The following PCSK7 variants were observed in gnomAD, a reference collection of about 807,000 sequenced individuals.
PCSK7 encodes the protein proprotein convertase subtilisin/kexin type 7, also known as lymphoma proprotein convertase.
A neutral mutation model predicts 73.3 loss-of-function variants in PCSK7; 38 were observed. The observed-to-expected ratio is 0.52, with a 90% confidence interval of 0.40 to 0.68. PCSK7 has a LOEUF of 0.68. Among genes scored for constraint, PCSK7 ranks in the 30% least tolerant of loss-of-function variants. The pLI, the probability that PCSK7 is intolerant of heterozygous loss-of-function variation, is 0.00. For synonymous variants in PCSK7, 296 were observed against 383.8 expected, an observed-to-expected ratio of 0.77 and a Z score of 2.68; for missense variants, 692 against 991.5, an observed-to-expected ratio of 0.70 and a Z score of 4.06.
intron 11 of PCSK7, 38 bp downstream of exon 11, chr11:117,219,019 T>C: frequency 1.4e-6 from 2 of 1,450,242 alleles, no homozygotes; most frequent in South Asian, 2.3e-5. Context: ...CCTTGGTCAC[T>C]CCACACAGGG....
intron 12 of PCSK7, chr11:117,211,878 G>GT (rs767074547): frequency 2.6e-5 from 4 of 152,242 alleles, no homozygotes; most frequent in Non-Finnish European, 2.9e-5. Flanking sequence ...AATGGGGCCA[G>GT]TAACAGTACC....
intron 12 of PCSK7, chr11:117,215,114 T>G (rs931164411): frequency 6.6e-6 from 1 of 152,126 alleles, no homozygotes; most frequent in African/African-American, 2.4e-5. Flanking sequence ...CACTTCTCAA[T>G]ATGGTAGCCC....
In PCSK7 at chr11:117,218,166, C is replaced by T. The variant is rs78068721; in HGVS notation, c.1534+300G>A. ...CAGGAGCTTCTCTGAGCTCTCACCC[C>T]GGTCTCGCCTGACCTCCCCAAGCCC... On this transcript the variant is annotated intron_variant, in intron 12 of 16. Coordinates refer to ENST00000320934, the MANE Select transcript of PCSK7 (RefSeq NM_004716.4). The surrounding 1 kb of genome is among the most constrained non-coding windows in gnomAD (Gnocchi z 4.0). The T allele has an allele frequency of 9.3e-4, 193 of 206,704 alleles. 4 individuals are homozygous for T. The East Asian group carries it at 0.021, about 22-fold the overall frequency. The allele number at this position is 206,704 out of a possible 1,614,324, so 12.8% of individuals were successfully genotyped here.
chr11:117,206,159 G>A lies in PCSK7; in HGVS notation c.2196C>T (p.Asp732=), dbSNP rs139944026. Residue 732 remains aspartate (D), a synonymous_variant, in exon 17 of 17, where the codon GAC becomes GAT. Coordinates refer to ENST00000320934, the MANE Select transcript of PCSK7 (RefSeq NM_004716.4). ...GGCCCCTGCTCTCTGTTTCCACTTC[G>A]TCTGGATCCTTGCTGCTGCAAAGTG... is the stretch of plus-strand genomic sequence containing the variant. ...SVPLCSSKDP[D]EVETESRGPP... is the part of the protein sequence containing the mutation. 0.053 allele frequency: 84,606 copies of A among 1,597,836 alleles called. 1 individual carries two copies. Among genetic ancestry groups the A allele is most frequent in the East Asian group, 0.092 (4,108 of 44,572 alleles).
At chr11:117,215,380 G>GTGTGTGTGTATATATATATATATATA (rs1164738557) in intron 12 of PCSK7, 2 of 55,900 alleles carry the variant, frequency 3.6e-5, no homozygotes, top group African/African-American at 2.4e-4. Flanking sequence ...GTGTGTGTGT[G>GTGTGTGTGTATATATATATATATATA]TATATATATA....
intron 4 of PCSK7, among the ~76,000 whole-genome samples, chr11:117,227,585 G>C (rs1275551757): frequency 6.6e-6 from 1 of 152,166 alleles, no homozygotes; most frequent in Non-Finnish European, 1.5e-5. Context: ...TGGGACTATA[G>C]GTGAGCGCCA....
In PCSK7 at chr11:117,206,310, T is replaced by C. The variant is rs996630667; in HGVS notation, c.2045A>G (p.Tyr682Cys). ...GCFTVFWTVYYMLEVYLSQRN... is the reference protein window; with the variant it reads ...GCFTVFWTVYCMLEVYLSQRN... ...CTGGCTCAAATATACTTCCAGCATG[T>C]AGTAAACAGTCCAGAAGACGGTGAA... is the stretch of plus-strand genomic sequence containing the variant. Residue 682 changes from tyrosine to cysteine, a missense_variant, in exon 17 of 17, where the codon TAC (tyrosine) becomes TGC (cysteine). Physicochemically the swap from Tyr to Cys is radical, Grantham distance 194. Coordinates refer to ENST00000320934, the MANE Select transcript of PCSK7 (RefSeq NM_004716.4). 27 of 1,613,968 alleles carry C rather than the reference T, an allele frequency of 1.7e-5. No homozygotes were observed. Among genetic ancestry groups the C allele is most frequent in the Non-Finnish European group, 2.2e-5 (26 of 1,179,966 alleles).
At chr11:117,219,021 C>T (rs896021666) in intron 11 of PCSK7, 36 bp downstream of exon 11, 1 of 1,459,760 alleles carries the variant, frequency 6.9e-7, no homozygotes, top group African/African-American at 1.4e-5. Flanking sequence ...TTGGTCACTC[C>T]ACACAGGGCA....
chr11:117,215,899 G>A (rs2031966187), intron 12 of PCSK7: 1 of 152,074 alleles, frequency 6.6e-6, no homozygotes, highest in Admixed American at 6.5e-5. Flanking sequence ...TGTCACCCAG[G>A]ATGGAGAGTG....
chr11:117,229,423 C>A lies in PCSK7; in HGVS notation c.422G>T (p.Arg141Leu), dbSNP rs761512152. ...CTTGGGGTCGTTGAAGTGGACGCTG[C>A]GCTTGGCCCGCCTTAGCAGCCTCTG... ...SEQRLLRRAK[R>L]SVHFNDPKYP... is the part of the protein sequence containing the mutation. The change falls in exon 3 of 17, where the codon CGC becomes CTC. Residue 141 changes from arginine to leucine, a missense_variant. By Grantham distance (102) the Arg-to-Leu change is moderately radical. This residue lies in a region of PCSK7 where 574 missense variants were observed against 689.8 expected (regional missense o/e 0.83). Transcript: ENST00000320934. 3 of 1,609,278 alleles carry A rather than the reference C, an allele frequency of 1.9e-6. No individual in the cohort carries two copies. The highest frequency in any genetic ancestry group is 4.5e-5 in the East Asian group (2 of 44,892).
chr11:117,214,461 G>A (rs1357668469), intron 12 of PCSK7: 4 of 152,320 alleles, frequency 2.6e-5, no homozygotes, highest in African/African-American at 9.7e-5. Context: ...CAGTTCAGGA[G>A]TATGAAACAA....
intron 4 of PCSK7, 45 bp downstream of exon 4, chr11:117,228,171 A>C: frequency 3.1e-6 from 5 of 1,591,690 alleles, no homozygotes; most frequent in African/African-American, 1.3e-5. Context: ...ATCAAGAAGG[A>C]GGTAAGACGT....
In PCSK7 at chr11:117,229,388, G is replaced by C; in HGVS notation, c.457C>G (p.Gln153Glu). ...VHFNDPKYPQ[Q>E]WHLNNRRSPG... The stretch of plus-strand genomic sequence containing the variant: ...AGGACTGGACTCACCAGGTGCCATT[G>C]CTGCGGGTACTTGGGGTCGTTGAAG... The change falls in exon 3 of 17, where the codon CAA becomes GAA. Residue 153 changes from glutamine to glutamate, a missense_variant. Around this residue, in one of 6 missense-constraint regions of PCSK7, gnomAD observed 574 missense variants for 689.8 expected, o/e 0.83. Coordinates refer to ENST00000320934, the MANE Select transcript of PCSK7 (RefSeq NM_004716.4). 6.2e-7 allele frequency: 1 copy of C among 1,605,256 alleles called. No individual in the cohort carries two copies. The highest frequency in any genetic ancestry group is 1.3e-5 in the African/African-American group (1 of 75,060).
chr11:117,224,160 C>T lies in PCSK7; in HGVS notation c.972G>A (p.Val324=). 3 of 1,614,128 alleles carry T rather than the reference C, an allele frequency of 1.9e-6. No individual in the cohort carries two copies. Among genetic ancestry groups the T allele is most frequent in the Non-Finnish European group, 2.5e-6 (3 of 1,180,022 alleles). ...AGRQGFGSIF[V]VASGNGGQHN... is the part of the protein sequence containing the mutation. ...GTTGGCCTCCGTTGCCACTGGCTAC[C>T]ACAAAGATGCTCCCAAAGCCCTGGC... The change falls in exon 8 of 17, where the codon GTG becomes GTA. Residue 324 remains valine (V), a synonymous_variant. Transcript: ENST00000320934.
At chr11:117,213,059 G>T (rs1417556660) in intron 12 of PCSK7, 1 of 152,228 alleles carries the variant, frequency 6.6e-6, no homozygotes, top group African/African-American at 2.4e-5. Flanking sequence ...TTAGTGGCAG[G>T]AGACATCTCT....
rs1169293621 is a variant in PCSK7 at position 117,205,587 on chromosome 11, T to A, written c.*410A>T. ...GCTCCTCCCAGCCTCTACCCCGAAG[T>A]CCTCTTCCCAAGTGACCCCAGTGAT... is the stretch of plus-strand genomic sequence containing the variant. On this transcript the variant is annotated 3_prime_UTR_variant, in exon 17 of 17. Coordinates refer to ENST00000320934, the MANE Select transcript of PCSK7 (RefSeq NM_004716.4). 1 of 240,722 alleles carries A rather than the reference T, an allele frequency of 4.2e-6. No individual in the cohort carries two copies. The highest frequency in any genetic ancestry group is 2.2e-5 in the African/African-American group (1 of 45,654). 14.9% of individuals were successfully genotyped at this position (240,722 alleles called of 1,614,324 possible).
chr11:117,231,328 C>A (rs2032654272), intron 1 of PCSK7: 1 of 152,152 alleles, frequency 6.6e-6, no homozygotes, highest in Non-Finnish European at 1.5e-5. Context: ...ACATTTCTTC[C>A]TCTCGTTTTC....
rs766132292 is a variant in PCSK7, at chr11:117,229,702, C to T, written c.143G>A (p.Gly48Asp). The stretch of plus-strand genomic sequence containing the variant: ...CACAGCCCAGCTCGGCCCCCCTGTG[C>T]CCTGGCCATCAGGCCCACCTGTCCC... ...LAGTGGPDGQ[G>D]TGGPSWAVHL... Residue 48 changes from glycine to aspartate, a missense_variant, in exon 3 of 17, where the codon GGC becomes GAC. Around this residue, in one of 6 missense-constraint regions of PCSK7, gnomAD observed 574 missense variants for 689.8 expected, o/e 0.83. Transcript: ENST00000320934. The T allele has an allele frequency of 1.2e-6, 2 of 1,613,854 alleles. No individual in the cohort carries two copies. Among genetic ancestry groups the T allele is most frequent in the South Asian group, 2.2e-5 (2 of 91,072 alleles).
chr11:117,219,168 A>T lies in PCSK7; in HGVS notation c.1324-4T>A. On this transcript the variant is annotated splice_polypyrimidine_tract_variant and splice_region_variant and intron_variant, in intron 10 of 16. Transcript: ENST00000320934. ...ACTCTGCACGGCGATCCTCATACTGAAAGGACAGAGGTCCTGGTTAGTCTC... is the reference window on the plus strand; with the variant it reads ...ACTCTGCACGGCGATCCTCATACTGTAAGGACAGAGGTCCTGGTTAGTCTC... The T allele has an allele frequency of 6.3e-7, 1 of 1,598,240 alleles. No individual in the cohort carries two copies. Among genetic ancestry groups the T allele is most frequent in the Non-Finnish European group, 8.5e-7 (1 of 1,170,458 alleles).
Sources: allele counts gnomAD v4.1 joint callset (sites outside exome capture counted in the v4.1 genomes callset), GRCh38; gene constraint gnomAD v4.1.1; regional missense constraint gnomAD v4.1.1; non-coding constraint Gnocchi (gnomAD v3.1); transcripts MANE v1.5; gene names NCBI Gene and HGNC (gene_info 2026-07-23, HGNC 2026-07-21).